SGCZ: variants seen among roughly 807,000 people sequenced by gnomAD.
The protein encoded by SGCZ is sarcoglycan zeta, also known as zeta-sarcoglycan.
In SGCZ, 40 loss-of-function variants were observed where a neutral mutation model predicts 41.3. The observed-to-expected ratio is 0.97, with a 90% CI of 0.75 to 1.26. SGCZ has a LOEUF of 1.26. SGCZ is among the 50% of genes most tolerant of loss of function. The probability of loss-of-function intolerance (pLI) is 0.00; values close to 1 mark genes in which losing one functional copy is unlikely to be tolerated. For missense variants in SGCZ, 552 were observed against 369.8 expected (o/e 1.49, Z -4.04); for synonymous variants, 206 against 137.5 (o/e 1.50, Z -3.49).
chr8:14,890,527 G>C (rs565278619), intron 1 of SGCZ, among the ~76,000 whole-genome samples: 2 of 152,176 alleles, frequency 1.3e-5, no homozygotes, highest in Non-Finnish European at 2.9e-5. Context: ...AACAAGAAAA[G>C]TTTGAAGCTA....
At chr8:14,113,319 C>T (rs974545123) in intron 5 of SGCZ, among the ~76,000 whole-genome samples, 1 of 152,072 alleles carries the variant, frequency 6.6e-6, no homozygotes, top group Non-Finnish European at 1.5e-5. Flanking sequence ...TTTCTTCATT[C>T]TCTGAACATA....
intron 1 of SGCZ, among the ~76,000 whole-genome samples, chr8:14,869,492 G>C (rs528807148): frequency 1.3e-5 from 2 of 152,184 alleles, no homozygotes; most frequent in Non-Finnish European, 2.9e-5. Context: ...ATACTGAATG[G>C]GCAAAAGCTG....
At chr8:15,164,250 C>T (rs1240276646) in intron 1 of SGCZ, among the ~76,000 whole-genome samples, 1 of 152,100 alleles carries the variant, frequency 6.6e-6, no homozygotes, top group East Asian at 1.9e-4. Flanking sequence ...GGACTCAAAA[C>T]CTCTCACTGT....
At chr8:14,106,609 A>G (rs1388095401) in intron 6 of SGCZ, among the ~76,000 whole-genome samples, 3 of 152,158 alleles carry the variant, frequency 2.0e-5, no homozygotes, top group Admixed American at 2.0e-4. Flanking sequence ...AAGATTTTCA[A>G]CTTTATTTAT....
At chr8:14,704,085 G>T (rs540191601) in intron 1 of SGCZ, among the ~76,000 whole-genome samples, 1 of 152,024 alleles carries the variant, frequency 6.6e-6, no homozygotes, top group South Asian at 2.1e-4. Flanking sequence ...AAGAAATCAG[G>T]AATCATGTCC....
chr8:15,076,285 G>A (rs1330301323), intron 1 of SGCZ, among the ~76,000 whole-genome samples: 1 of 152,050 alleles, frequency 6.6e-6, no homozygotes, highest in Non-Finnish European at 1.5e-5. Context: ...AAAGAAAGAG[G>A]GAAGTATATG....
intron 1 of SGCZ, among the ~76,000 whole-genome samples, chr8:15,049,857 A>G (rs1023728148): frequency 1.3e-5 from 2 of 152,152 alleles, no homozygotes; most frequent in Admixed American, 6.6e-5. Flanking sequence ...GTTCTCCTGC[A>G]CAAGCTGTCT....
chr8:15,116,274 T>C (rs1807265045), intron 1 of SGCZ, among the ~76,000 whole-genome samples: 1 of 152,234 alleles, frequency 6.6e-6, no homozygotes, highest in South Asian at 2.1e-4. Context: ...CTTTTAGCAG[T>C]ATTTGGCTAT....
At chr8:14,242,450 G>C (rs1279371544) in intron 3 of SGCZ, among the ~76,000 whole-genome samples, 1 of 152,112 alleles carries the variant, frequency 6.6e-6, no homozygotes, top group African/African-American at 2.4e-5. Context: ...AAGCCCAAAG[G>C]CTGCCAAATG....
chr8:14,573,189 C>CTTTTTT (rs35000758), intron 1 of SGCZ, among the ~76,000 whole-genome samples: 1 of 76,464 alleles, frequency 1.3e-5, no homozygotes, highest in African/African-American at 5.3e-5. Flanking sequence ...CTTAGCAAGT[C>CTTTTTT]TTTTTTTTTT....
At chr8:14,526,770 G>T (rs1371709567) in intron 2 of SGCZ, among the ~76,000 whole-genome samples, 2 of 151,940 alleles carry the variant, frequency 1.3e-5, no homozygotes, top group Non-Finnish European at 2.9e-5. Context: ...TTCTGCAGAG[G>T]TTTATGTCTT....
At chr8:14,326,970 G>C (rs1345284936) in intron 2 of SGCZ, among the ~76,000 whole-genome samples, 1 of 150,820 alleles carries the variant, frequency 6.6e-6, no homozygotes, top group Non-Finnish European at 1.5e-5. Context: ...AAGTCATAAA[G>C]ATGTGGTATT....
intron 1 of SGCZ, among the ~76,000 whole-genome samples, chr8:15,132,493 G>A (rs1013212520): frequency 6.6e-6 from 1 of 152,142 alleles, no homozygotes; most frequent in Non-Finnish European, 1.5e-5. Flanking sequence ...AAAACCAGTG[G>A]AAGGTTTACA....
intron 1 of SGCZ, among the ~76,000 whole-genome samples, chr8:14,823,163 G>A (rs1429314217): frequency 6.6e-6 from 1 of 151,412 alleles, no homozygotes; most frequent in East Asian, 1.9e-4. Flanking sequence ...TCATGACATT[G>A]GGCTAGGCAA....
chr8:14,468,351 G>C (rs188539689), intron 2 of SGCZ, among the ~76,000 whole-genome samples: 6 of 152,118 alleles, frequency 3.9e-5, no homozygotes, highest in African/African-American at 1.4e-4. Flanking sequence ...GCATAAAGAA[G>C]TAAACTTTTA....
intron 2 of SGCZ, among the ~76,000 whole-genome samples, chr8:14,486,941 A>C: frequency 6.6e-6 from 1 of 152,164 alleles, no homozygotes; most frequent in East Asian, 1.9e-4. Context: ...AGTAATAATT[A>C]GTAGAGCATG....
intron 2 of SGCZ, among the ~76,000 whole-genome samples, chr8:14,550,217 T>C (rs148969438): frequency 2.0e-5 from 3 of 151,970 alleles, no homozygotes; most frequent in Non-Finnish European, 4.4e-5. Context: ...TAGCAGTAAA[T>C]AAATGAATTA....
intron 1 of SGCZ, among the ~76,000 whole-genome samples, chr8:15,236,504 T>G (rs1466656968): frequency 6.6e-6 from 1 of 152,068 alleles, no homozygotes; most frequent in Non-Finnish European, 1.5e-5. Context: ...TCTGAAATAG[T>G]AGAACGTACC....
At chr8:14,928,281 G>A (rs559738131) in intron 1 of SGCZ, among the ~76,000 whole-genome samples, 7 of 152,176 alleles carry the variant, frequency 4.6e-5, no homozygotes, top group South Asian at 4.1e-4. Flanking sequence ...ATGATCATAC[G>A]CCATGGAATT....
Sources: allele counts gnomAD v4.1 joint callset (sites outside exome capture counted in the v4.1 genomes callset), GRCh38; gene constraint gnomAD v4.1.1; transcripts MANE v1.5; gene names NCBI Gene and HGNC (gene_info 2026-07-23, HGNC 2026-07-21).